Variants in LMX1B observed in about 807,000 individuals in gnomAD.
The protein encoded by LMX1B is LIM homeobox transcription factor 1 beta.
LMX1B carries 12 observed loss-of-function variants against 51.4 expected under a neutral mutation model. The observed-to-expected ratio is 0.23, with a 90% confidence interval of 0.15 to 0.38. The LOEUF is 0.38. Among genes scored for constraint, LMX1B ranks in the 10% least tolerant of loss-of-function variants. The pLI is 1.00. For synonymous variants in LMX1B, 237 were observed against 235.4 expected (o/e 1.01, Z -0.06); for missense variants, 445 against 571.1 (o/e 0.78, Z 2.25).
intron 2 of LMX1B, among the ~76,000 whole-genome samples, chr9:126,661,015 G>A (rs972192849): frequency 6.6e-6 from 1 of 152,216 alleles, no homozygotes; most frequent in African/African-American, 2.4e-5. Context: ...TAAACTTAGA[G>A]CTGGGATCTG....
At chr9:126,628,742 T>G (rs1341055785) in intron 2 of LMX1B, among the ~76,000 whole-genome samples, 1 of 152,198 alleles carries the variant, frequency 6.6e-6, no homozygotes, top group Admixed American at 6.5e-5. Flanking sequence ...GTTTTTCTTT[T>G]CCAGGAGATT....
chr9:126,637,541 AG>A (rs1410269668), intron 2 of LMX1B, among the ~76,000 whole-genome samples: 1 of 151,798 alleles, frequency 6.6e-6, no homozygotes, highest in African/African-American at 2.4e-5. Flanking sequence ...ATGCTGTGTG[AG>A]TCTGGGTGTC....
At chr9:126,650,268 G>A (rs182057365) in intron 2 of LMX1B, among the ~76,000 whole-genome samples, 10 of 152,326 alleles carry the variant, frequency 6.6e-5, no homozygotes, top group South Asian at 2.1e-4. Context: ...GGACTTGGCC[G>A]CCAGGGATGT....
Position 126,691,743 on chromosome 9 carries a change from C to T in LMX1B, c.559+675C>T, listed in dbSNP as rs112315894. Among the ~76,000 whole-genome samples, 1,340 of 152,350 alleles carry T rather than the reference C, an allele frequency of 8.8e-3. 11 individuals carry two copies. The highest frequency in any genetic ancestry group is 0.028 in the South Asian group (136 of 4,826). On this transcript the variant is annotated intron_variant, in intron 3 of 7. Coordinates refer to ENST00000373474, the MANE Select transcript of LMX1B (RefSeq NM_001174147.2). The stretch of plus-strand genomic sequence containing the variant: ...GGGAGATGATGTGCCTTCCCCTTCT[C>T]AGCCCCCTGGAGCCTTCAGCAGTGA...
At chr9:126,622,645 G>A (rs1331837145) in intron 2 of LMX1B, among the ~76,000 whole-genome samples, 2 of 152,224 alleles carry the variant, frequency 1.3e-5, no homozygotes, top group African/African-American at 4.8e-5. Context: ...GACTCTTGTC[G>A]TGTGATTCCT....
chr9:126,657,814 T>C (rs1836149524), intron 2 of LMX1B, among the ~76,000 whole-genome samples: 1 of 152,178 alleles, frequency 6.6e-6, no homozygotes, highest in Admixed American at 6.5e-5. Flanking sequence ...CCCAGTTTTG[T>C]GAGATCACCT....
Position 126,693,175 on chromosome 9 carries a change from C to A in LMX1B, c.593C>A (p.Pro198Gln). Residue 198 changes from proline (P) to glutamine (Q), a missense_variant, in exon 4 of 8, where the codon CCG becomes CAG. Physicochemically the swap from Pro to Gln is moderately conservative, Grantham distance 76 (BLOSUM62 -1). This residue lies in a region of LMX1B where 273 missense variants were observed against 343.3 expected (regional missense o/e 0.80). Transcript: ENST00000373474. ...GAGGATGAAGATGGGGACATGAAGCCGGCCAAGGGGCAGGGCAGTCAGAGC... is the reference window on the plus strand; with the variant it reads ...GAGGATGAAGATGGGGACATGAAGCAGGCCAAGGGGCAGGGCAGTCAGAGC... ...KSEDEDGDMK[P>Q]AKGQGSQSKG... The A allele has an allele frequency of 6.3e-7, 1 of 1,598,184 alleles. No individual in the cohort carries two copies. The highest frequency in any genetic ancestry group is 8.5e-7 in the Non-Finnish European group (1 of 1,172,988).
chr9:126,654,533 G>A (rs1022049512), intron 2 of LMX1B, among the ~76,000 whole-genome samples: 3 of 152,256 alleles, frequency 2.0e-5, no homozygotes, highest in African/African-American at 7.2e-5. Context: ...CACTTAGGGT[G>A]GAGGCAGCCA....
At chr9:126,693,049 G>A in intron 3 of LMX1B, 93 bp from the exon 4 acceptor site, 1 of 1,319,128 alleles carries the variant, frequency 7.6e-7, no homozygotes, top group East Asian at 2.5e-5. Flanking sequence ...GAGGGGACAG[G>A]CTCCCATCGG....
intron 2 of LMX1B, among the ~76,000 whole-genome samples, chr9:126,637,205 G>C (rs1415399185): frequency 6.6e-6 from 1 of 152,250 alleles, no homozygotes; most frequent in Non-Finnish European, 1.5e-5. Context: ...GGCAGCATCT[G>C]GAGAGGCAGG....
intron 5 of LMX1B, 61 bp downstream of exon 5, chr9:126,693,662 A>G: frequency 6.2e-7 from 1 of 1,607,108 alleles, no homozygotes; most frequent in Non-Finnish European, 8.5e-7. Flanking sequence ...GGGGGCAGCC[A>G]GAAGACTACG....
rs972659979 is a variant in LMX1B, at chr9:126,696,775, TTCTC to T, written c.*328_*331del. On this transcript the variant is annotated 3_prime_UTR_variant, in exon 8 of 8. Coordinates refer to ENST00000373474, the MANE Select transcript of LMX1B (RefSeq NM_001174147.2). ...CCATCTCTTTTTTGGGAAGCTTAAA[TTCTC>T]TCTATTTTTTTAAATGTCCTCTCTG... The T allele has an allele frequency of 1.2e-5, 5 of 433,684 alleles. No individual in the cohort carries two copies. Among genetic ancestry groups the T allele is most frequent in the African/African-American group, 8.0e-5 (4 of 50,070 alleles). The allele number at this position is 433,684 out of a possible 1,614,324, so 26.9% of individuals were successfully genotyped here. A position where few individuals can be genotyped will look rare whatever the true frequency, so the allele number is the denominator to read the frequency against.
intron 2 of LMX1B, among the ~76,000 whole-genome samples, chr9:126,646,669 G>A (rs1331306696): frequency 2.6e-5 from 4 of 152,206 alleles, no homozygotes; most frequent in Non-Finnish European, 4.4e-5. Context: ...TACTTCTGGT[G>A]GATGAGCAGA....
chr9:126,614,395 CGGGCCGGCGGGCGAGCA>C lies in LMX1B; in HGVS notation c.-53_-37del. ...GCCGCGGCGGCGGAGAGCGGGTGGACGGGCCGGCGGGCGAGCAGCCCGGCCGGCGGGGTCCGCAGCGC... is the reference window on the plus strand; with the variant it reads ...GCCGCGGCGGCGGAGAGCGGGTGGACGCCCGGCCGGCGGGGTCCGCAGCGC... On this transcript the variant is annotated 5_prime_UTR_variant, in exon 1 of 8. Coordinates refer to ENST00000373474, the MANE Select transcript of LMX1B (RefSeq NM_001174147.2). 7.7e-7 allele frequency: 1 copy of C among 1,304,722 alleles called. No individual in the cohort carries two copies. Among genetic ancestry groups the C allele is most frequent in the Non-Finnish European group, 9.8e-7 (1 of 1,021,824 alleles). The allele number at this position is 1,304,722 out of a possible 1,614,324, so 80.8% of individuals were successfully genotyped here.
In LMX1B at chr9:126,667,038, C is replaced by T. The variant is rs543179739; in HGVS notation, c.327-23798C>T. On this transcript the variant is annotated intron_variant, in intron 2 of 7. Transcript: ENST00000373474. Reference sequence around the variant, plus strand: ...TTTATATTACAAAATCGTTGTTGCTCATTGTAAAATAAATTCAGGCAAAGC... The same window carrying T: ...TTTATATTACAAAATCGTTGTTGCTTATTGTAAAATAAATTCAGGCAAAGC... Among the ~76,000 whole-genome samples the T allele has an allele frequency of 3.9e-5, 6 of 152,284 alleles. No homozygotes were observed. The South Asian group carries it at 8.3e-4, about 21-fold the overall frequency.
At chr9:126,622,445 G>T (rs1407136422) in intron 2 of LMX1B, among the ~76,000 whole-genome samples, 1 of 152,232 alleles carries the variant, frequency 6.6e-6, no homozygotes, top group African/African-American at 2.4e-5. Flanking sequence ...CCACCGAGCT[G>T]CTGGGTAGCT....
At chr9:126,692,063 C>A (rs75260627) in intron 3 of LMX1B, among the ~76,000 whole-genome samples, 56 of 152,326 alleles carry the variant, frequency 3.7e-4, no homozygotes, top group African/African-American at 1.3e-3. Context: ...GTCTGCCAGG[C>A]CCCATGGGTA....
intron 2 of LMX1B, among the ~76,000 whole-genome samples, chr9:126,629,053 AC>A (rs1278837833): frequency 6.6e-6 from 1 of 151,822 alleles, no homozygotes; most frequent in Non-Finnish European, 1.5e-5. Context: ...AATAGTTATG[AC>A]CACAAAATTA....
At position 126,642,401 on chromosome 9, in the gene LMX1B, G is replaced by A. The variant is rs145186808; in HGVS notation, c.326+26832G>A. Among the ~76,000 whole-genome samples, 27 of 152,238 alleles carry A rather than the reference G, an allele frequency of 1.8e-4. 1 individual carries two copies. The East Asian group carries it at 3.3e-3, about 19-fold the overall frequency. On this transcript the variant is annotated intron_variant, in intron 2 of 7. Coordinates refer to ENST00000373474, the MANE Select transcript of LMX1B (RefSeq NM_001174147.2). ...CACCGTCTTTCTTCCACCCGCCCTC[G>A]GTGCTATCACCAGAGCTTCAGTGCC...
Sources: allele counts gnomAD v4.1 joint callset (sites outside exome capture counted in the v4.1 genomes callset), GRCh38; gene constraint gnomAD v4.1.1; regional missense constraint gnomAD v4.1.1; transcripts MANE v1.5; gene names NCBI Gene and HGNC (gene_info 2026-07-23, HGNC 2026-07-21).